Variants in CCDC146 observed in about 807,000 individuals in gnomAD.
CCDC146 encodes the protein coiled-coil domain-containing protein 146.
CCDC146 carries 92 observed loss-of-function variants against 119.3 expected under a neutral mutation model. The ratio of observed to expected loss-of-function variants is 0.77; its 90% CI spans 0.65 to 0.92. The LOEUF (loss-of-function observed/expected upper bound fraction) is 0.92. Ranked by LOEUF, CCDC146 falls within the 40% of genes least tolerant of loss-of-function variation. The pLI is 0.00. For synonymous variants in CCDC146, 372 were observed against 371.8 expected, an observed-to-expected ratio of 1.00 and a Z score of -0.01; for missense variants, 1,000 against 1,103.0, an observed-to-expected ratio of 0.91 and a Z score of 1.32.
intron 17 of CCDC146, among the ~76,000 whole-genome samples, chr7:77,288,007 C>A (rs1179340215): frequency 6.6e-6 from 1 of 152,220 alleles, no homozygotes; most frequent in Non-Finnish European, 1.5e-5. Flanking sequence ...TGCAGTCACA[C>A]AACACCCAGA....
intron 1 of CCDC146, among the ~76,000 whole-genome samples, chr7:77,165,690 C>G (rs1303631494): frequency 6.6e-6 from 1 of 152,218 alleles, no homozygotes; most frequent in Non-Finnish European, 1.5e-5. Flanking sequence ...GGGGACAGTT[C>G]TGGAACCTAC....
At chr7:77,289,710 C>T (rs957568524) in intron 17 of CCDC146, among the ~76,000 whole-genome samples, 13 of 152,184 alleles carry the variant, frequency 8.5e-5, no homozygotes, top group Non-Finnish European at 1.6e-4. Flanking sequence ...TAGCTTATGG[C>T]GCCTCCTGCA....
intron 2 of CCDC146, among the ~76,000 whole-genome samples, chr7:77,220,614 C>T (rs529026742): frequency 9.9e-5 from 15 of 152,250 alleles, no homozygotes; most frequent in African/African-American, 3.6e-4. Flanking sequence ...GTTAGGGGTC[C>T]CTGACTTCCT....
At chr7:77,281,228 C>T (rs763402190) in intron 14 of CCDC146, among the ~76,000 whole-genome samples, 1 of 152,068 alleles carries the variant, frequency 6.6e-6, no homozygotes, top group Non-Finnish European at 1.5e-5. Flanking sequence ...CCTAAGTGGT[C>T]ATTCGGGTTG....
At chr7:77,169,711 A>G (rs1322404548) in intron 2 of CCDC146, among the ~76,000 whole-genome samples, 1 of 152,132 alleles carries the variant, frequency 6.6e-6, no homozygotes, top group Admixed American at 6.6e-5. Flanking sequence ...TGTCCTTCTG[A>G]CATGCTCCTG....
At chr7:77,175,456 T>C (rs1791486513) in intron 2 of CCDC146, among the ~76,000 whole-genome samples, 2 of 149,854 alleles carry the variant, frequency 1.3e-5, no homozygotes, top group Admixed American at 1.3e-4. Context: ...CAAAATAGAA[T>C]ATGAAACTAA....
chr7:77,275,296 C>CAA, intron 11 of CCDC146, among the ~76,000 whole-genome samples: 1 of 152,152 alleles, frequency 6.6e-6, no homozygotes, highest in African/African-American at 2.4e-5. Flanking sequence ...CTCAAAGGGT[C>CAA]CTGGAACCAG....
intron 4 of CCDC146, among the ~76,000 whole-genome samples, chr7:77,244,977 A>G (rs777910745): frequency 4.6e-5 from 7 of 152,220 alleles, no homozygotes; most frequent in Non-Finnish European, 7.3e-5. Context: ...CTCCACCCCA[A>G]TATCTTCAGG....
chr7:77,220,570 A>G (rs563883240), intron 2 of CCDC146, among the ~76,000 whole-genome samples: 1 of 152,330 alleles, frequency 6.6e-6, no homozygotes, highest in South Asian at 2.1e-4. Flanking sequence ...TTCACAATTT[A>G]TATTCTTCTG....
At chr7:77,156,520 T>TA (rs1192141033) in intron 1 of CCDC146, among the ~76,000 whole-genome samples, 1 of 151,956 alleles carries the variant, frequency 6.6e-6, no homozygotes, top group Non-Finnish European at 1.5e-5. Context: ...CTTTCTTTTT[T>TA]AAAAAAAGCA....
chr7:77,205,795 G>C (rs1792070956), intron 2 of CCDC146, among the ~76,000 whole-genome samples: 1 of 151,990 alleles, frequency 6.6e-6, no homozygotes, highest in Non-Finnish European at 1.5e-5. Context: ...AAACCCTCTA[G>C]GTAGCACTTC....
intron 2 of CCDC146, among the ~76,000 whole-genome samples, chr7:77,202,201 C>T (rs1792004641): frequency 6.6e-6 from 1 of 152,236 alleles, no homozygotes; most frequent in Non-Finnish European, 1.5e-5. Context: ...AACCGCTATT[C>T]TAGGCACTTG....
At chr7:77,197,407 G>T (rs1291706984) in intron 2 of CCDC146, among the ~76,000 whole-genome samples, 1 of 152,250 alleles carries the variant, frequency 6.6e-6, no homozygotes, top group Admixed American at 6.5e-5. Flanking sequence ...TAGGCATAAA[G>T]ATCAGTGGCT....
In CCDC146 at chr7:77,261,559, G is replaced by C. The variant is rs978781527; in HGVS notation, c.987-562G>C. Among the ~76,000 whole-genome samples the C allele has an allele frequency of 1.3e-5, 2 of 152,232 alleles. 1 individual carries two copies. Among genetic ancestry groups the C allele is most frequent in the African/African-American group, 4.8e-5 (2 of 41,548 alleles). On this transcript the variant is annotated intron_variant, in intron 8 of 18. Coordinates refer to ENST00000285871, the MANE Select transcript of CCDC146 (RefSeq NM_020879.3). Reference sequence around the variant, plus strand: ...GTGGCGCAATCTCGGCTCACTGCAAGCTCCGCTTCCCGGGTTCACGCCATT... The same window carrying C: ...GTGGCGCAATCTCGGCTCACTGCAACCTCCGCTTCCCGGGTTCACGCCATT...
chr7:77,159,262 A>G (rs1584032029), intron 1 of CCDC146, among the ~76,000 whole-genome samples: 1 of 152,164 alleles, frequency 6.6e-6, no homozygotes, highest in African/African-American at 2.4e-5. Context: ...AAACTTATTT[A>G]TCTTGCATAG....
At chr7:77,238,666 C>T (rs1163916564) in intron 3 of CCDC146, among the ~76,000 whole-genome samples, 2 of 152,136 alleles carry the variant, frequency 1.3e-5, no homozygotes, top group Non-Finnish European at 2.9e-5. Flanking sequence ...ATCCTCACGC[C>T]TCGGCCTCCC....
At chr7:77,237,093 C>G (rs992949596) in intron 3 of CCDC146, 64 bp downstream of exon 3, 22 of 1,334,382 alleles carry the variant, frequency 1.6e-5, no homozygotes, top group Non-Finnish European at 2.3e-5. Flanking sequence ...GGTGATGAGA[C>G]CTGTCTTCAT....
In CCDC146 at chr7:77,292,938, C is replaced by A; in HGVS notation, c.2416-14C>A. 1 of 1,611,216 alleles carries A rather than the reference C, an allele frequency of 6.2e-7. No homozygotes were observed. Among genetic ancestry groups the A allele is most frequent in the African/African-American group, 1.3e-5 (1 of 74,760 alleles). On this transcript the variant is annotated splice_polypyrimidine_tract_variant and intron_variant, in intron 17 of 18. Transcript: ENST00000285871. ...CTGTATACATAGACTAAGCTTTGGG[C>A]TCTTTAATTCTAGATGAATGGCTAT...
intron 1 of CCDC146, among the ~76,000 whole-genome samples, chr7:77,165,271 A>C (rs1009604247): frequency 2.0e-5 from 3 of 152,054 alleles, no homozygotes; most frequent in African/African-American, 7.3e-5. Flanking sequence ...TCACACAAGG[A>C]TCTGCTCTCA....
Sources: allele counts gnomAD v4.1 joint callset (sites outside exome capture counted in the v4.1 genomes callset), GRCh38; gene constraint gnomAD v4.1.1; transcripts MANE v1.5; gene names NCBI Gene and HGNC (gene_info 2026-07-23, HGNC 2026-07-21).